The following PRTFDC1 variants were observed in gnomAD, a reference collection of about 807,000 sequenced individuals.
PRTFDC1 encodes the protein phosphoribosyl transferase domain containing 1, also known as phosphoribosyltransferase domain-containing protein 1.
PRTFDC1 carries 38 observed loss-of-function variants against 34.6 expected under a neutral mutation model. The ratio of observed to expected loss-of-function variants is 1.10; its 90% CI spans 0.85 to 1.44. The LOEUF is 1.44. PRTFDC1 is among the 40% of genes most tolerant of loss of function. The pLI, the probability that PRTFDC1 is intolerant of heterozygous loss-of-function variation, is 0.00. For synonymous variants in PRTFDC1, 93 were observed against 98.1 expected (o/e 0.95, Z 0.31); for missense variants, 270 against 283.0 (o/e 0.95, Z 0.33).
chr10:24,884,638 A>G (rs1163412926), intron 3 of PRTFDC1, among the ~76,000 whole-genome samples: 2 of 152,214 alleles, frequency 1.3e-5, no homozygotes, highest in Non-Finnish European at 2.9e-5. Context: ...AAAGTTCTGT[A>G]ACAGATTGAG....
At chr10:24,871,647 A>G (rs1404063300) in intron 4 of PRTFDC1, among the ~76,000 whole-genome samples, 3 of 100,260 alleles carry the variant, frequency 3.0e-5, no homozygotes, top group Admixed American at 2.1e-4. Context: ...AGGATGGATG[A>G]AAAAAAAAAA....
In PRTFDC1 at chr10:24,918,654, A is replaced by G. The variant is rs111621237; in HGVS notation, c.339+18530T>C. Among the ~76,000 whole-genome samples the G allele has an allele frequency of 7.7e-3, 1,175 of 152,122 alleles. 11 individuals are homozygous for G. Among genetic ancestry groups the G allele is most frequent in the African/African-American group, 0.027 (1,106 of 41,488 alleles). On this transcript the variant is annotated intron_variant, in intron 3 of 8. Coordinates refer to ENST00000320152, the MANE Select transcript of PRTFDC1 (RefSeq NM_020200.7). ...GGTCTTGAATTCCTGGGCTCAAGCA[A>G]TCCTCCCCACTCAGCCTCCCAAAGC...
intron 4 of PRTFDC1, among the ~76,000 whole-genome samples, chr10:24,860,118 G>A (rs1258937468): frequency 6.6e-6 from 1 of 152,102 alleles, no homozygotes; most frequent in African/African-American, 2.4e-5. Context: ...AGTGGCTCAC[G>A]TCTGTAATCC....
At position 24,952,480 on chromosome 10, in the gene PRTFDC1, G is replaced by A. The variant is rs1025723631; in HGVS notation, c.48+48C>T. 6.5e-7 allele frequency: 1 copy of A among 1,543,378 alleles called. No homozygotes were observed. The highest frequency in any genetic ancestry group is 8.8e-7 in the Non-Finnish European group (1 of 1,136,654). Reference sequence around the variant, plus strand: ...ATTTAATCTACAAGCAGGGTGCCAGGGAGGGAGGGGAGCGGGCCGAGCCCC... The same window carrying A: ...ATTTAATCTACAAGCAGGGTGCCAGAGAGGGAGGGGAGCGGGCCGAGCCCC... On this transcript the variant is annotated intron_variant, in intron 1 of 8. Coordinates refer to ENST00000320152, the MANE Select transcript of PRTFDC1 (RefSeq NM_020200.7). The surrounding 1 kb of genome is among the most constrained non-coding windows in gnomAD (Gnocchi z 5.1).
chr10:24,896,415 G>T (rs961635690), intron 3 of PRTFDC1, among the ~76,000 whole-genome samples: 1 of 152,084 alleles, frequency 6.6e-6, no homozygotes, highest in Non-Finnish European at 1.5e-5. Context: ...CACAAAACTG[G>T]TCCCCGGTGA....
intron 1 of PRTFDC1, among the ~76,000 whole-genome samples, chr10:24,947,678 G>A (rs1008848741): frequency 6.6e-6 from 1 of 151,804 alleles, no homozygotes; most frequent in African/African-American, 2.4e-5. Flanking sequence ...CTCCCTAAGG[G>A]AGAAAACACA....
intron 2 of PRTFDC1, among the ~76,000 whole-genome samples, chr10:24,941,759 C>T (rs1307637769): frequency 8.5e-5 from 13 of 152,200 alleles, no homozygotes; most frequent in Non-Finnish European, 1.8e-4. Context: ...AAATTAGGAG[C>T]TTCCCAAACT....
At chr10:24,876,728 T>C (rs904275015) in intron 3 of PRTFDC1, among the ~76,000 whole-genome samples, 1 of 152,012 alleles carries the variant, frequency 6.6e-6, no homozygotes, top group Non-Finnish European at 1.5e-5. Context: ...TTTTACTTTT[T>C]TATAGAGATG....
chr10:24,887,360 G>C (rs1848186913), intron 3 of PRTFDC1, among the ~76,000 whole-genome samples: 1 of 152,076 alleles, frequency 6.6e-6, no homozygotes, highest in Non-Finnish European at 1.5e-5. Flanking sequence ...GTCATGGGAG[G>C]GACCTGGTGG....
At chr10:24,910,032 A>C (rs1848604026) in intron 3 of PRTFDC1, among the ~76,000 whole-genome samples, 1 of 151,428 alleles carries the variant, frequency 6.6e-6, no homozygotes, top group African/African-American at 2.4e-5. Flanking sequence ...ATGGTGGTAC[A>C]TGCCTGTAAC....
chr10:24,892,010 A>T (rs1199633514), intron 3 of PRTFDC1, among the ~76,000 whole-genome samples: 1 of 152,166 alleles, frequency 6.6e-6, no homozygotes, highest in Non-Finnish European at 1.5e-5. Flanking sequence ...CATCATCTTC[A>T]TTCATCTGTT....
chr10:24,937,215 T>G lies in PRTFDC1; in HGVS notation c.308A>C (p.Lys103Thr). The G allele has an allele frequency of 1.2e-6, 2 of 1,613,652 alleles. No homozygotes were observed. Among genetic ancestry groups the G allele is most frequent in the Non-Finnish European group, 1.7e-6 (2 of 1,179,936 alleles). The change falls in exon 3 of 9, where the codon AAG (lysine) becomes ACG (threonine). Residue 103 changes from lysine to threonine, a missense_variant. By Grantham distance (78) the Lys-to-Thr change is moderately conservative (BLOSUM62 -1). Coordinates refer to ENST00000320152, the MANE Select transcript of PRTFDC1 (RefSeq NM_020200.7). ...ACTTTTTAGTCTGATGAAATCAACCTTCATTGAGACAAATCGATCTGAATT... is the reference window on the plus strand; with the variant it reads ...ACTTTTTAGTCTGATGAAATCAACCGTCATTGAGACAAATCGATCTGAATT... ...SRNSDRFVSM[K>T]VDFIRLKSYR...
intron 1 of PRTFDC1, among the ~76,000 whole-genome samples, chr10:24,945,167 C>T (rs1849233790): frequency 6.6e-6 from 1 of 152,196 alleles, no homozygotes. Context: ...TGTGTGTGTG[C>T]ATGGGTGTGT....
intron 4 of PRTFDC1, among the ~76,000 whole-genome samples, chr10:24,862,606 C>T (rs1588575797): frequency 6.6e-6 from 1 of 151,972 alleles, no homozygotes; most frequent in East Asian, 1.9e-4. Context: ...AATTTCTGAC[C>T]TCAGGTGATC....
rs1210958534 is a variant in PRTFDC1, at chr10:24,952,547, T to C, written c.29A>G (p.Asp10Gly). The change falls in exon 1 of 9, where the codon GAC becomes GGC. Residue 10 changes from aspartate to glycine, a missense_variant. Coordinates refer to ENST00000320152, the MANE Select transcript of PRTFDC1 (RefSeq NM_020200.7). The surrounding 1 kb of genome is among the most constrained non-coding windows in gnomAD (Gnocchi z 5.1). ...ATTTACCACGACGCCTCGCCCGTAG[T>C]CTGGCGCCTCCTCGCTGCTCCCGGC... MAGSSEEAP[D>G]YGRGVVIMDD... The C allele has an allele frequency of 6.3e-7, 1 of 1,591,584 alleles. No homozygotes were observed. The highest frequency in any genetic ancestry group is 8.6e-7 in the Non-Finnish European group (1 of 1,168,852).
At chr10:24,878,397 G>A (rs1172180734) in intron 3 of PRTFDC1, among the ~76,000 whole-genome samples, 1 of 152,214 alleles carries the variant, frequency 6.6e-6, no homozygotes, top group African/African-American at 2.4e-5. Flanking sequence ...AGTATTCCTG[G>A]AGGGAAGAAG....
intron 4 of PRTFDC1, among the ~76,000 whole-genome samples, chr10:24,866,982 T>A (rs1382017031): frequency 6.9e-6 from 1 of 144,690 alleles, no homozygotes. Flanking sequence ...ATGTTTTATT[T>A]AAAAAAAAGA....
At chr10:24,851,945 T>C (rs931258717) in intron 7 of PRTFDC1, among the ~76,000 whole-genome samples, 1 of 151,690 alleles carries the variant, frequency 6.6e-6, no homozygotes, top group Non-Finnish European at 1.5e-5. Context: ...GTCTTGGCTG[T>C]TTAAAGGGCT....
intron 3 of PRTFDC1, 62 bp from the exon 4 acceptor site, chr10:24,872,125 AT>A: frequency 7.1e-7 from 1 of 1,413,890 alleles, no homozygotes; most frequent in Non-Finnish European, 9.9e-7. Flanking sequence ...TTTAAAGCAC[AT>A]TTTCCTGTCT....
Sources: allele counts gnomAD v4.1 joint callset (sites outside exome capture counted in the v4.1 genomes callset), GRCh38; gene constraint gnomAD v4.1.1; non-coding constraint Gnocchi (gnomAD v3.1); transcripts MANE v1.5; gene names NCBI Gene and HGNC (gene_info 2026-07-23, HGNC 2026-07-21).